The following RAD51B variants were observed in gnomAD, a reference collection of about 807,000 sequenced individuals.
The protein encoded by RAD51B is RAD51 paralog B.
Under a neutral mutation model 42.2 loss-of-function variants are expected in RAD51B, and 38 were observed. The ratio of observed to expected loss-of-function variants is 0.90; its 90% CI spans 0.70 to 1.18. The LOEUF (loss-of-function observed/expected upper bound fraction) is 1.18. RAD51B is among the 50% of genes most tolerant of loss of function. The probability of loss-of-function intolerance (pLI) is 0.00; values close to 1 mark genes in which losing one functional copy is unlikely to be tolerated. For missense variants in RAD51B, 373 were observed against 400.7 expected, an observed-to-expected ratio of 0.93 and a Z score of 0.59; for synonymous variants, 154 against 145.2, an observed-to-expected ratio of 1.06 and a Z score of -0.43.
intron 7 of RAD51B, among the ~76,000 whole-genome samples, chr14:67,928,413 C>T (rs552975209): frequency 1.6e-4 from 24 of 152,054 alleles, no homozygotes; most frequent in Non-Finnish European, 2.9e-4. Context: ...ACCATGTGTG[C>T]GGTGGCAAAG....
chr14:68,316,148 A>G (rs1377854219), intron 8 of RAD51B, among the ~76,000 whole-genome samples: 1 of 152,240 alleles, frequency 6.6e-6, no homozygotes, highest in Non-Finnish European at 1.5e-5. Flanking sequence ...GTTACAAGAA[A>G]GAATACAGAC....
chr14:68,601,703 G>A (rs1330937455), intron 10 of RAD51B, among the ~76,000 whole-genome samples: 1 of 152,058 alleles, frequency 6.6e-6, no homozygotes, highest in Non-Finnish European at 1.5e-5. Context: ...TATACTCATA[G>A]TAGGGGGCCC....
At chr14:68,091,642 G>T (rs1357870710) in intron 7 of RAD51B, among the ~76,000 whole-genome samples, 2 of 152,160 alleles carry the variant, frequency 1.3e-5, no homozygotes, top group African/African-American at 4.8e-5. Flanking sequence ...CTCCCATTCT[G>T]TGGGTTGCCT....
At chr14:67,904,579 C>T (rs949724034) in intron 7 of RAD51B, among the ~76,000 whole-genome samples, 1 of 146,378 alleles carries the variant, frequency 6.8e-6, no homozygotes, top group Non-Finnish European at 1.5e-5. Context: ...GGTGCGATCT[C>T]GGCTCACTGC....
intron 9 of RAD51B, among the ~76,000 whole-genome samples, chr14:68,432,044 C>T (rs2085022086): frequency 6.6e-6 from 1 of 152,148 alleles, no homozygotes; most frequent in African/African-American, 2.4e-5. Flanking sequence ...GTTCAGTTTC[C>T]ATGTAGTTGA....
chr14:68,540,744 CT>C, intron 10 of RAD51B: 2 of 985,326 alleles, frequency 2.0e-6, no homozygotes, highest in Non-Finnish European at 2.4e-6. Context: ...GTGAGGGACA[CT>C]TTGTGAAGAA....
intron 10 of RAD51B, among the ~76,000 whole-genome samples, chr14:68,509,190 C>A (rs549783776): frequency 1.6e-4 from 24 of 152,386 alleles, no homozygotes; most frequent in Non-Finnish European, 3.2e-4. Context: ...CATCCCCACT[C>A]TCTGATAGTG....
At chr14:68,397,902 C>T (rs978684026) in intron 8 of RAD51B, among the ~76,000 whole-genome samples, 1 of 152,200 alleles carries the variant, frequency 6.6e-6, no homozygotes, top group African/African-American at 2.4e-5. Flanking sequence ...TACTTCTTCC[C>T]CCACCCCCTT....
intron 7 of RAD51B, among the ~76,000 whole-genome samples, chr14:68,048,513 G>A (rs2076339682): frequency 6.6e-6 from 1 of 152,106 alleles, no homozygotes; most frequent in South Asian, 2.1e-4. Context: ...TGAAGTCCTT[G>A]CCCATGCCTA....
intron 10 of RAD51B, among the ~76,000 whole-genome samples, chr14:68,543,822 C>T (rs915608307): frequency 1.4e-4 from 21 of 152,184 alleles, no homozygotes; most frequent in Admixed American, 2.6e-4. Context: ...GCAATTGAGG[C>T]ATATTAAATG....
chr14:68,213,860 A>T (rs2079760470), intron 7 of RAD51B, among the ~76,000 whole-genome samples: 1 of 152,190 alleles, frequency 6.6e-6, no homozygotes, highest in African/African-American at 2.4e-5. Flanking sequence ...TATGAAGACA[A>T]CCTTCAAATA....
intron 5 of RAD51B, among the ~76,000 whole-genome samples, chr14:67,875,846 G>A (rs746269836): frequency 2.6e-5 from 4 of 152,158 alleles, no homozygotes; most frequent in African/African-American, 9.7e-5. Context: ...GATTCTGAAG[G>A]TAATACCAGT....
intron 10 of RAD51B, among the ~76,000 whole-genome samples, chr14:68,551,692 A>G (rs2140384944): frequency 6.6e-6 from 1 of 152,334 alleles, no homozygotes; most frequent in Non-Finnish European, 1.5e-5. Context: ...TGCTGTACAC[A>G]GTAGATGCTT....
At chr14:67,924,377 T>G in intron 7 of RAD51B, among the ~76,000 whole-genome samples, 1 of 152,238 alleles carries the variant, frequency 6.6e-6, no homozygotes, top group African/African-American at 2.4e-5. Context: ...ATTTAAGTCT[T>G]TGATCCATTT....
intron 7 of RAD51B, among the ~76,000 whole-genome samples, chr14:68,229,510 G>T (rs1397099902): frequency 6.6e-6 from 1 of 152,184 alleles, no homozygotes; most frequent in Non-Finnish European, 1.5e-5. Flanking sequence ...ACAGGAATTT[G>T]CCATTGTCAA....
intron 7 of RAD51B, among the ~76,000 whole-genome samples, chr14:68,267,882 A>G (rs1379422673): frequency 6.6e-6 from 1 of 152,180 alleles, no homozygotes; most frequent in African/African-American, 2.4e-5. Context: ...CCCTGTCCTG[A>G]TTCTGGGATT....
chr14:68,125,907 A>C (rs148324425), intron 7 of RAD51B, among the ~76,000 whole-genome samples: 1 of 152,180 alleles, frequency 6.6e-6, no homozygotes, highest in African/African-American at 2.4e-5. Flanking sequence ...GAAAGCACCA[A>C]CGTCCCATAG....
chr14:68,666,290 A>T (rs531512381), intron 11 of RAD51B, among the ~76,000 whole-genome samples: 4 of 152,332 alleles, frequency 2.6e-5, no homozygotes, highest in Admixed American at 2.6e-4. Context: ...TTTTTGTTGC[A>T]TGGGCCATTG....
intron 8 of RAD51B, among the ~76,000 whole-genome samples, chr14:68,378,110 C>T (rs74059309): frequency 0.086 from 13,154 of 152,224 alleles, 633 homozygotes; most frequent in Non-Finnish European, 0.098. Flanking sequence ...AAACACTGAA[C>T]TCTTTTCATC....
Sources: gnomAD v4.1 joint callset for allele counts (sites outside exome capture counted in the v4.1 genomes callset) on GRCh38, gnomAD v4.1.1 for gene constraint, MANE v1.5 for transcripts, NCBI Gene and HGNC (gene_info 2026-07-23, HGNC 2026-07-21) for gene names.